Variants in KLRG1 observed in about 807,000 individuals in gnomAD.
The protein encoded by KLRG1 is killer cell lectin-like receptor subfamily G member 1.
In KLRG1, 16 loss-of-function variants were observed where a neutral mutation model predicts 21.8. That is an observed-to-expected ratio of 0.73 (90% CI 0.50 to 1.11). The LOEUF is 1.11. Ranked by LOEUF, KLRG1 falls within the 50% of genes most tolerant of loss-of-function variation. The probability of loss-of-function intolerance (pLI) is 0.00; values close to 1 mark genes in which losing one functional copy is unlikely to be tolerated. For synonymous variants in KLRG1, 69 were observed against 75.9 expected (o/e 0.91, Z 0.47); for missense variants, 173 against 218.3 (o/e 0.79, Z 1.31).
the KLRG1 span, among the ~76,000 whole-genome samples, chr12:9,026,411 T>C: frequency 0.073 from 11,187 of 152,296 alleles, 621 homozygotes; most frequent in Non-Finnish European, 0.11. Context: ...CCAAAAAGAC[T>C]GAAGCAGTTT....
At chr12:9,111,258 C>A in the KLRG1 span, among the ~76,000 whole-genome samples, 2 of 152,158 alleles carry the variant, frequency 1.3e-5, no homozygotes, top group South Asian at 4.1e-4. Flanking sequence ...GAACAATAAA[C>A]CATGTTTTAA....
At chr12:9,128,080 G>A in the KLRG1 span, 2 of 206,430 alleles carry the variant, frequency 9.7e-6, no homozygotes, top group Non-Finnish European at 1.0e-5. Flanking sequence ...AGCTGACCCC[G>A]GCCAGGGCTG....
chr12:9,174,132 A>G, the KLRG1 span, among the ~76,000 whole-genome samples: 2 of 152,124 alleles, frequency 1.3e-5, no homozygotes, highest in Non-Finnish European at 2.9e-5. Context: ...ATCCACCACA[A>G]CCAAGTAGGC....
the KLRG1 span, chr12:9,109,438 G>C: frequency 4.5e-6 from 7 of 1,544,610 alleles, no homozygotes; most frequent in Non-Finnish European, 6.3e-6. Context: ...GTTGGTGATT[G>C]GTTTTCAACT....
At chr12:9,030,438 G>A in the KLRG1 span, among the ~76,000 whole-genome samples, 7 of 151,084 alleles carry the variant, frequency 4.6e-5, no homozygotes, top group South Asian at 2.1e-4. Context: ...ATGGAGTCTC[G>A]CACTGTTGCC....
the KLRG1 span, among the ~76,000 whole-genome samples, chr12:9,054,526 T>TTTAA: frequency 6.6e-6 from 1 of 151,678 alleles, no homozygotes; most frequent in Non-Finnish European, 1.5e-5. Context: ...TCACTTATAA[T>TTTAA]TGGGATATTC....
chr12:9,006,963 C>T (rs757768292), intron 3 of KLRG1, among the ~76,000 whole-genome samples: 1 of 152,142 alleles, frequency 6.6e-6, no homozygotes, highest in Admixed American at 6.5e-5. Flanking sequence ...ATTTTGCAAA[C>T]CTTAGAGTAC....
the KLRG1 span, chr12:9,148,983 C>T: frequency 6.2e-7 from 1 of 1,611,318 alleles, no homozygotes; most frequent in South Asian, 1.1e-5. Flanking sequence ...CAAACATTTC[C>T]ATGCTCTGTA....
chr12:9,166,646 T>A, the KLRG1 span, among the ~76,000 whole-genome samples: 1 of 152,248 alleles, frequency 6.6e-6, no homozygotes, highest in Non-Finnish European at 1.5e-5. Flanking sequence ...TAAATTACTT[T>A]TACATAAATT....
intron 1 of KLRG1, among the ~76,000 whole-genome samples, chr12:8,989,990 C>T (rs1266319369): frequency 6.6e-6 from 1 of 152,194 alleles, no homozygotes; most frequent in Non-Finnish European, 1.5e-5. Context: ...GTTATTCCTT[C>T]TTGCTCTTAG....
the KLRG1 span, among the ~76,000 whole-genome samples, chr12:9,075,215 A>T: frequency 3.9e-5 from 6 of 152,220 alleles, no homozygotes; most frequent in Non-Finnish European, 8.8e-5. Context: ...GAAAAAAAAA[A>T]TACAGTAATC....
the KLRG1 span, among the ~76,000 whole-genome samples, chr12:9,083,634 A>G: frequency 6.6e-6 from 1 of 151,764 alleles, no homozygotes; most frequent in Non-Finnish European, 1.5e-5. Context: ...AAGAAAGCCT[A>G]TGGAAATTAT....
chr12:9,114,750 AC>A, the KLRG1 span, among the ~76,000 whole-genome samples: 1 of 152,088 alleles, frequency 6.6e-6, no homozygotes, highest in Non-Finnish European at 1.5e-5. Flanking sequence ...TATATATGTA[AC>A]ATATGTGGGT....
At chr12:8,950,436 A>C (rs1193704993) in intron 1 of KLRG1, among the ~76,000 whole-genome samples, 1 of 152,186 alleles carries the variant, frequency 6.6e-6, no homozygotes, top group Non-Finnish European at 1.5e-5. Flanking sequence ...CTTATGTCTT[A>C]CTAGCCACTT....
chr12:9,095,307 T>A, the KLRG1 span, among the ~76,000 whole-genome samples: 1 of 152,208 alleles, frequency 6.6e-6, no homozygotes, highest in African/African-American at 2.4e-5. Flanking sequence ...TTAATAAACA[T>A]CACAGAGCAA....
At chr12:9,167,386 G>T in the KLRG1 span, 1 of 152,156 alleles carries the variant, frequency 6.6e-6, no homozygotes, top group East Asian at 1.9e-4. Flanking sequence ...AAAGCTTTGT[G>T]TATCAGACCC....
intron 1 of KLRG1, among the ~76,000 whole-genome samples, chr12:8,965,718 CT>C (rs1396868380): frequency 6.6e-6 from 1 of 152,218 alleles, no homozygotes; most frequent in African/African-American, 2.4e-5. Context: ...ACATTCCATG[CT>C]CATGGGTAGG....
chr12:9,207,652 C>T, the KLRG1 span, among the ~76,000 whole-genome samples: 6 of 152,160 alleles, frequency 3.9e-5, no homozygotes, highest in African/African-American at 1.2e-4. Flanking sequence ...CCAAGAAGGA[C>T]GGAGAACTTT....
chr12:8,964,550 G>T (rs1376026962), intron 1 of KLRG1, among the ~76,000 whole-genome samples: 1 of 151,976 alleles, frequency 6.6e-6, no homozygotes, highest in East Asian at 1.9e-4. Context: ...TGTCTATTAG[G>T]TCCGCTTGGT....
Sources: allele counts gnomAD v4.1 joint callset (sites outside exome capture counted in the v4.1 genomes callset), GRCh38; gene constraint gnomAD v4.1.1; transcripts MANE v1.5; gene names NCBI Gene and HGNC (gene_info 2026-07-23, HGNC 2026-07-21).